The following C16orf96 variants were observed in gnomAD, a reference collection of about 807,000 sequenced individuals.
C16orf96 encodes the protein chromosome 16 open reading frame 96, also known as uncharacterized protein C16orf96.
In C16orf96, 108 loss-of-function variants were observed where a neutral mutation model predicts 103.6. The observed-to-expected ratio is 1.04, with a 90% CI of 0.89 to 1.22. The LOEUF is 1.22. Among genes scored for constraint, C16orf96 ranks in the 50% most tolerant of loss-of-function variants. The probability of loss-of-function intolerance (pLI) is 0.00; values close to 1 mark genes in which losing one functional copy is unlikely to be tolerated. For missense variants in C16orf96, 1,586 were observed against 1,464.2 expected, an observed-to-expected ratio of 1.08 and a Z score of -1.36; for synonymous variants, 566 against 593.5, an observed-to-expected ratio of 0.95 and a Z score of 0.67.
At chr16:4,571,849 T>C (rs375677220) in intron 2 of C16orf96, among the ~76,000 whole-genome samples, 184 bp downstream of exon 2, 4 of 149,052 alleles carry the variant, frequency 2.7e-5, no homozygotes, top group Non-Finnish European at 6.0e-5. Flanking sequence ...TGCTTTCTTT[T>C]CTTTTCTTTT....
chr16:4,556,397 G>A lies in C16orf96; in HGVS notation c.-93G>A. ...ACTCACCACCACCCCAGGCCTCTGA[G>A]GACCAGTCCATGTAGCTCTCGGAAC... On this transcript the variant is annotated 5_prime_UTR_variant, in exon 1 of 16. Transcript: ENST00000444310. The A allele has an allele frequency of 7.5e-7, 1 of 1,331,156 alleles. No homozygotes were observed. The highest frequency in any genetic ancestry group is 1.0e-6 in the Non-Finnish European group (1 of 998,432). 82.5% of individuals were successfully genotyped at this position (1,331,156 alleles called of 1,614,324 possible). A position where few individuals can be genotyped will look rare whatever the true frequency, so the allele number is the denominator to read the frequency against.
intron 1 of C16orf96, among the ~76,000 whole-genome samples, chr16:4,561,914 A>G (rs1465096477): frequency 1.3e-5 from 2 of 152,174 alleles, no homozygotes; most frequent in African/African-American, 2.4e-5. Flanking sequence ...AACCTCTTGC[A>G]GCTGGCCTCA....
At chr16:4,579,964 A>G in intron 6 of C16orf96, 51 bp from the exon 7 acceptor site, 2 of 1,463,388 alleles carry the variant, frequency 1.4e-6, no homozygotes, top group Non-Finnish European at 1.9e-6. Context: ...CTTCCCGGCC[A>G]TGGTAACTTC....
chr16:4,575,162 C>G lies in C16orf96; in HGVS notation c.694-12C>G, dbSNP rs554799912. The stretch of plus-strand genomic sequence containing the variant: ...GGAAGCCAGCAGAGCCCCTCTGCCC[C>G]CTCTTCTGCAGGAAATTGGTTCATC... On this transcript the variant is annotated splice_polypyrimidine_tract_variant and intron_variant, in intron 4 of 15. Coordinates refer to ENST00000444310, the MANE Select transcript of C16orf96 (RefSeq NM_001145011.2). 1.9e-6 allele frequency: 3 copies of G among 1,545,232 alleles called. No homozygotes were observed. The highest frequency in any genetic ancestry group is 1.4e-5 in the African/African-American group (1 of 73,028).
chr16:4,543,857 G>C, the C16orf96 span, among the ~76,000 whole-genome samples: 1 of 152,074 alleles, frequency 6.6e-6, no homozygotes. Flanking sequence ...GGCCAGGCTG[G>C]TCTCAAACTC....
intron 6 of C16orf96, 22 bp downstream of exon 6, chr16:4,579,047 C>T (rs527901482): frequency 1.2e-5 from 18 of 1,547,758 alleles, no homozygotes; most frequent in Non-Finnish European, 1.4e-5. Context: ...CGGCGAAGGG[C>T]TTTTGAGGCA....
chr16:4,545,336 A>G, the C16orf96 span, among the ~76,000 whole-genome samples: 5 of 152,108 alleles, frequency 3.3e-5, no homozygotes, highest in African/African-American at 4.8e-5. Flanking sequence ...CCTCCCAAGT[A>G]GCTGGGACTA....
At chr16:4,541,192 G>A in the C16orf96 span, among the ~76,000 whole-genome samples, 2 of 152,146 alleles carry the variant, frequency 1.3e-5, no homozygotes, top group African/African-American at 4.8e-5. Context: ...GATTACAGGC[G>A]TGAGCCACCG....
chr16:4,574,870 G>A, intron 3 of C16orf96, 81 bp downstream of exon 3: 2 of 1,522,136 alleles, frequency 1.3e-6, no homozygotes, highest in South Asian at 1.2e-5. Flanking sequence ...AGGGTAGGGA[G>A]GTGCAAGGAG....
rs1472682970 is a variant in C16orf96 at position 4,588,126 on chromosome 16, A to T, written c.2428-41A>T. 6 of 1,536,418 alleles carry T rather than the reference A, an allele frequency of 3.9e-6. No homozygotes were observed. In the South Asian group the frequency reaches 4.8e-5, roughly 12 times the overall value. ...ATGTCTCCCAGCTTTGCCTTCCTCC[A>T]TCCCAGCAGCCATGCCTCCCTGAAC... On this transcript the variant is annotated intron_variant, in intron 8 of 15. Transcript: ENST00000444310.
At chr16:4,579,751 A>G (rs1233412205) in intron 6 of C16orf96, among the ~76,000 whole-genome samples, 1 of 151,926 alleles carries the variant, frequency 6.6e-6, no homozygotes, top group Non-Finnish European at 1.5e-5. Context: ...AGCTGGGATT[A>G]CAGGGGCCCG....
upstream of C16orf96, among the ~76,000 whole-genome samples, chr16:4,554,066 G>C (rs1453771367): frequency 6.6e-6 from 1 of 152,176 alleles, no homozygotes; most frequent in Admixed American, 6.5e-5. Flanking sequence ...TGTCCCTGCA[G>C]ACTTTCCCAG....
chr16:4,583,924 CAAAAAAAAAAAAA>C (rs58974530), intron 7 of C16orf96, among the ~76,000 whole-genome samples: 1 of 78,130 alleles, frequency 1.3e-5, no homozygotes, highest in African/African-American at 4.8e-5. Flanking sequence ...GACTGTATCT[CAAAAAAAAAAAAA>C]AAAAAAAAAA....
At chr16:4,563,797 G>C (rs1012912865) in intron 1 of C16orf96, among the ~76,000 whole-genome samples, 1 of 149,170 alleles carries the variant, frequency 6.7e-6, no homozygotes, top group Admixed American at 6.7e-5. Flanking sequence ...TTGAACTCCC[G>C]AGCTCAGGTG....
chr16:4,553,721 C>T (rs77214986), upstream of C16orf96, among the ~76,000 whole-genome samples: 12,770 of 152,158 alleles, frequency 0.084, 933 homozygotes, highest in African/African-American at 0.19. Context: ...GCAACCCGCC[C>T]ACTTTGGCCT....
intron 12 of C16orf96, 48 bp from the exon 13 acceptor site, chr16:4,594,303 T>G (rs1897122096): frequency 6.5e-7 from 1 of 1,538,460 alleles, no homozygotes; most frequent in South Asian, 1.2e-5. Context: ...TCCTGGGCTC[T>G]GGGGTACAGG....
the C16orf96 span, among the ~76,000 whole-genome samples, chr16:4,544,964 A>G: frequency 6.6e-6 from 1 of 152,214 alleles, no homozygotes; most frequent in African/African-American, 2.4e-5. Flanking sequence ...CTAGGATTGC[A>G]CCCAAGATAA....
the C16orf96 span, among the ~76,000 whole-genome samples, chr16:4,546,391 C>CT: frequency 5.9e-4 from 89 of 151,778 alleles, no homozygotes; most frequent in Non-Finnish European, 1.1e-3. Context: ...ATCTCCTGAC[C>CT]TCGTGATCTG....
chr16:4,553,374 C>T (rs972346126), upstream of C16orf96, among the ~76,000 whole-genome samples: 6 of 152,024 alleles, frequency 3.9e-5, no homozygotes, highest in Non-Finnish European at 7.4e-5. Context: ...GGTCAAGGAG[C>T]GATTTGTATT....
Sources: allele counts gnomAD v4.1 joint callset (sites outside exome capture counted in the v4.1 genomes callset), GRCh38; gene constraint gnomAD v4.1.1; transcripts MANE v1.5; gene names NCBI Gene and HGNC (gene_info 2026-07-23, HGNC 2026-07-21).